The following LPP variants were observed in gnomAD, a reference collection of about 807,000 sequenced individuals.
LPP encodes lipoma-preferred partner.
In LPP, 38 loss-of-function variants were observed where a neutral mutation model predicts 60.4. That is an observed-to-expected ratio of 0.63 (90% CI 0.49 to 0.83). LPP has a LOEUF of 0.83. Ranked by LOEUF, LPP falls within the 40% of genes least tolerant of loss-of-function variation. The pLI, the probability that LPP is intolerant of heterozygous loss-of-function variation, is 0.00. For missense variants in LPP, 902 were observed against 783.6 expected, an observed-to-expected ratio of 1.15 and a Z score of -1.80; for synonymous variants, 328 against 290.8, an observed-to-expected ratio of 1.13 and a Z score of -1.30.
chr3:188,678,217 G>A (rs947829015), intron 7 of LPP, among the ~76,000 whole-genome samples: 5 of 152,128 alleles, frequency 3.3e-5, no homozygotes, highest in African/African-American at 7.2e-5. Context: ...CTTACAACAC[G>A]CTTTCCTCAA....
At chr3:188,392,830 A>T (rs1578563280) in intron 3 of LPP, among the ~76,000 whole-genome samples, 1 of 152,284 alleles carries the variant, frequency 6.6e-6, no homozygotes, top group East Asian at 1.9e-4. Context: ...ACCCAGACAC[A>T]AGGCAACTGC....
At chr3:188,857,165 A>G (rs1764041215) in intron 9 of LPP, among the ~76,000 whole-genome samples, 1 of 152,200 alleles carries the variant, frequency 6.6e-6, no homozygotes, top group Admixed American at 6.5e-5. Context: ...CACAAAATGC[A>G]GTGTCCTAGT....
intron 3 of LPP, among the ~76,000 whole-genome samples, chr3:188,371,067 A>G (rs564594362): frequency 1.3e-5 from 2 of 152,300 alleles, no homozygotes; most frequent in Admixed American, 6.5e-5. Flanking sequence ...CATAAATCTT[A>G]TACCACGAAC....
intron 7 of LPP, among the ~76,000 whole-genome samples, chr3:188,634,463 T>A (rs565322076): frequency 5.7e-4 from 87 of 152,316 alleles, no homozygotes; most frequent in South Asian, 1.0e-3. Flanking sequence ...CCCCGGGCCA[T>A]GGACCTCTAC....
chr3:188,318,575 C>A (rs576332401), intron 2 of LPP, among the ~76,000 whole-genome samples: 8 of 152,118 alleles, frequency 5.3e-5, no homozygotes, highest in Non-Finnish European at 1.2e-4. Context: ...GCTTGCCTGT[C>A]TACCTTCCTT....
chr3:188,478,311 G>T (rs1021698366), intron 4 of LPP, among the ~76,000 whole-genome samples: 1 of 152,082 alleles, frequency 6.6e-6, no homozygotes, highest in East Asian at 1.9e-4. Context: ...TGTAAATTGA[G>T]ACCTATTTCT....
At chr3:188,284,941 C>T (rs1262623166) in intron 2 of LPP, among the ~76,000 whole-genome samples, 1 of 152,040 alleles carries the variant, frequency 6.6e-6, no homozygotes, top group Admixed American at 6.6e-5. Flanking sequence ...GGAGATGTAT[C>T]GGTTCAGAGC....
chr3:188,586,697 C>T (rs905460030), intron 6 of LPP, among the ~76,000 whole-genome samples: 1 of 150,862 alleles, frequency 6.6e-6, no homozygotes, highest in Non-Finnish European at 1.5e-5. Context: ...CTCCCCTCCT[C>T]GTAGGTATTT....
intron 2 of LPP, among the ~76,000 whole-genome samples, chr3:188,230,714 G>T (rs1244576514): frequency 6.6e-6 from 1 of 151,272 alleles, no homozygotes; most frequent in African/African-American, 2.4e-5. Flanking sequence ...CGGAGGTTGC[G>T]GTGAGCCGAG....
intron 3 of LPP, among the ~76,000 whole-genome samples, chr3:188,376,121 C>A (rs571980641): frequency 4.6e-5 from 7 of 152,138 alleles, no homozygotes; most frequent in Admixed American, 2.6e-4. Context: ...TGCTTTACTT[C>A]CAACTATGTG....
intron 8 of LPP, among the ~76,000 whole-genome samples, chr3:188,734,491 C>A (rs896054421): frequency 3.3e-5 from 5 of 152,212 alleles, no homozygotes; most frequent in Non-Finnish European, 5.9e-5. Context: ...CATTGGGGTT[C>A]CTGTACACTT....
At chr3:188,859,089 TAA>T (rs35722501) in intron 9 of LPP, among the ~76,000 whole-genome samples, 37,631 of 103,808 alleles carry the variant, frequency 0.36, 7,125 homozygotes, top group East Asian at 0.76. Flanking sequence ...ACTCTGTCTT[TAA>T]AAAAAAAAAA....
intron 7 of LPP, among the ~76,000 whole-genome samples, chr3:188,682,701 G>A (rs1263183985): frequency 6.6e-6 from 1 of 152,208 alleles, no homozygotes; most frequent in Non-Finnish European, 1.5e-5. Flanking sequence ...AAATTACTAA[G>A]TTGTACTGAA....
intron 9 of LPP, among the ~76,000 whole-genome samples, chr3:188,841,484 C>T (rs531847034): frequency 1.3e-5 from 2 of 148,828 alleles, no homozygotes; most frequent in East Asian, 4.4e-4. Context: ...CTCTGCCTCC[C>T]AGGTTCAAGC....
chr3:188,588,940 T>A (rs558585235), intron 6 of LPP, among the ~76,000 whole-genome samples: 1 of 152,228 alleles, frequency 6.6e-6, no homozygotes, highest in Non-Finnish European at 1.5e-5. Flanking sequence ...CTTCTCTGTC[T>A]TACTTAGCAT....
At chr3:188,457,971 T>C (rs73888487) in intron 4 of LPP, among the ~76,000 whole-genome samples, 2,408 of 152,226 alleles carry the variant, frequency 0.016, 49 homozygotes, top group African/African-American at 0.055. Flanking sequence ...TTATTAATGA[T>C]AGAAATATGA....
intron 1 of LPP, among the ~76,000 whole-genome samples, chr3:188,169,112 C>A (rs1221467502): frequency 6.6e-6 from 1 of 152,226 alleles, no homozygotes; most frequent in Non-Finnish European, 1.5e-5. Flanking sequence ...AAACTTTGGG[C>A]TCGTAGTATA....
chr3:188,174,241 G>C (rs1033281625), intron 1 of LPP, among the ~76,000 whole-genome samples: 17 of 152,184 alleles, frequency 1.1e-4, no homozygotes, highest in African/African-American at 3.6e-4. Flanking sequence ...TGATAAGCAG[G>C]ATATACTGTC....
chr3:188,481,516 C>A (rs1183339170), intron 4 of LPP, among the ~76,000 whole-genome samples: 4 of 152,174 alleles, frequency 2.6e-5, no homozygotes, highest in Admixed American at 6.5e-5. Context: ...TTTTGACCCT[C>A]CCAGGATTGT....
Sources: gnomAD v4.1 joint callset for allele counts (sites outside exome capture counted in the v4.1 genomes callset) on GRCh38, gnomAD v4.1.1 for gene constraint, MANE v1.5 for transcripts, NCBI Gene and HGNC (gene_info 2026-07-23, HGNC 2026-07-21) for gene names.